Variants in TENM3 observed in about 807,000 individuals in gnomAD.
TENM3 encodes teneurin-3.
TENM3 carries 63 observed loss-of-function variants against 255.1 expected under a neutral mutation model. The observed-to-expected ratio is 0.25, with a 90% CI of 0.20 to 0.30. The LOEUF (loss-of-function observed/expected upper bound fraction) is 0.30, where lower values mean the gene tolerates loss of function less well. TENM3 is among the 10% of genes least tolerant of loss of function. The probability of loss-of-function intolerance (pLI) is 1.00; values close to 1 mark genes in which losing one functional copy is unlikely to be tolerated. For missense variants in TENM3, 2,929 were observed against 3,461.1 expected (o/e 0.85, Z 3.86); for synonymous variants, 1,306 against 1,322.3 (o/e 0.99, Z 0.27).
rs146502568 is a variant in TENM3, at chr4:182,397,889, C to T, written c.511+50960C>T. 7.2e-5 allele frequency among the ~76,000 whole-genome samples: 11 copies of T among 152,236 alleles called. No individual in the cohort carries two copies. In the East Asian group the frequency reaches 1.7e-3, roughly 24 times the overall value. On this transcript the variant is annotated intron_variant, in intron 3 of 27. Coordinates refer to ENST00000511685, the MANE Select transcript of TENM3 (RefSeq NM_001080477.4). Reference sequence around the variant, plus strand: ...AAATGACTGCGCTCTACTTCTGTGCCGTGGTCAATAACGATCAAGTGGCAC... The same window carrying T: ...AAATGACTGCGCTCTACTTCTGTGCTGTGGTCAATAACGATCAAGTGGCAC...
the TENM3 span, among the ~76,000 whole-genome samples, chr4:181,667,376 G>C: frequency 2.7e-4 from 41 of 152,266 alleles, 1 homozygote; most frequent in Admixed American, 2.1e-3. Flanking sequence ...CACTACTGCT[G>C]TTTGTTTATA....
chr4:181,982,699 A>C, the TENM3 span, among the ~76,000 whole-genome samples: 1 of 152,174 alleles, frequency 6.6e-6, no homozygotes, highest in African/African-American at 2.4e-5. Context: ...ATATGGATTC[A>C]ATTGTTTACT....
intron 1 of TENM3, among the ~76,000 whole-genome samples, chr4:182,156,209 C>T (rs1212816594): frequency 1.3e-5 from 2 of 152,076 alleles, no homozygotes; most frequent in African/African-American, 4.8e-5. Context: ...TAAAACACAA[C>T]AATTTTGGCT....
chr4:181,668,969 T>C, the TENM3 span, among the ~76,000 whole-genome samples: 1 of 152,142 alleles, frequency 6.6e-6, no homozygotes, highest in Admixed American at 6.6e-5. Flanking sequence ...AATGGAATCA[T>C]AGATAGATAG....
chr4:182,283,460 A>G (rs1286112417), intron 1 of TENM3, among the ~76,000 whole-genome samples: 1 of 152,184 alleles, frequency 6.6e-6, no homozygotes, highest in Non-Finnish European at 1.5e-5. Context: ...GTGAACATTC[A>G]TCTTTTGGAT....
At chr4:182,560,643 G>A (rs1282573695) in intron 3 of TENM3, among the ~76,000 whole-genome samples, 1 of 152,166 alleles carries the variant, frequency 6.6e-6, no homozygotes, top group Non-Finnish European at 1.5e-5. Context: ...AGGAGCAGCA[G>A]GAATAAAACC....
the TENM3 span, among the ~76,000 whole-genome samples, chr4:182,125,231 C>T: frequency 2.6e-5 from 4 of 151,928 alleles, no homozygotes; most frequent in South Asian, 2.1e-4. Context: ...AGCGCATCCA[C>T]GCTGTGTGTG....
At chr4:181,670,891 G>A in the TENM3 span, among the ~76,000 whole-genome samples, 1 of 152,122 alleles carries the variant, frequency 6.6e-6, no homozygotes, top group Admixed American at 6.5e-5. Context: ...GCAGAAAAAA[G>A]CCAGCATTGC....
intron 3 of TENM3, among the ~76,000 whole-genome samples, chr4:182,442,317 T>C (rs1357668738): frequency 6.6e-6 from 1 of 152,214 alleles, no homozygotes; most frequent in African/African-American, 2.4e-5. Flanking sequence ...AAAAATATCT[T>C]AGTACATATG....
At chr4:181,567,097 C>T in the TENM3 span, among the ~76,000 whole-genome samples, 7 of 152,136 alleles carry the variant, frequency 4.6e-5, no homozygotes, top group African/African-American at 7.2e-5. Context: ...CCGCTTTAGA[C>T]ACCATACTCT....
intron 1 of TENM3, among the ~76,000 whole-genome samples, chr4:182,288,587 G>A (rs909809885): frequency 2.0e-5 from 3 of 152,158 alleles, no homozygotes; most frequent in African/African-American, 4.8e-5. Context: ...TCAGCAGTTG[G>A]CTCCAACTAC....
chr4:182,523,971 A>T (rs918673317), intron 3 of TENM3, among the ~76,000 whole-genome samples: 1 of 152,196 alleles, frequency 6.6e-6, no homozygotes, highest in Middle Eastern at 3.2e-3. Flanking sequence ...AAAGGAATAT[A>T]ACCAGTTTAG....
chr4:181,785,804 TCACACACACATACACA>T, the TENM3 span, among the ~76,000 whole-genome samples: 2 of 139,578 alleles, frequency 1.4e-5, no homozygotes, highest in African/African-American at 2.6e-5. Context: ...TTCTGTCTTG[TCACACACACATACACA>T]CACACACACA....
chr4:181,552,538 T>G, the TENM3 span, among the ~76,000 whole-genome samples: 7 of 152,356 alleles, frequency 4.6e-5, no homozygotes, highest in East Asian at 1.4e-3. Flanking sequence ...TATAAAGTCC[T>G]GTCAACACTT....
the TENM3 span, among the ~76,000 whole-genome samples, chr4:181,631,402 G>A: frequency 6.6e-6 from 1 of 152,108 alleles, no homozygotes; most frequent in African/African-American, 2.4e-5. Context: ...CGATTCTCCT[G>A]CCTCAGCCTA....
At chr4:181,902,500 T>C in the TENM3 span, among the ~76,000 whole-genome samples, 2 of 152,156 alleles carry the variant, frequency 1.3e-5, no homozygotes, top group African/African-American at 4.8e-5. Context: ...CTGTTTGAGA[T>C]AGCAAAGACT....
intron 7 of TENM3, among the ~76,000 whole-genome samples, chr4:182,679,395 A>G (rs986081556): frequency 6.6e-6 from 1 of 152,182 alleles, no homozygotes; most frequent in African/African-American, 2.4e-5. Context: ...ACTTTTGATC[A>G]GTCAGTAGAA....
chr4:182,765,384 T>C (rs1426981395), intron 22 of TENM3, among the ~76,000 whole-genome samples: 5 of 152,176 alleles, frequency 3.3e-5, no homozygotes, highest in African/African-American at 1.2e-4. Flanking sequence ...GGATACTCTA[T>C]CCCTAATTTT....
At chr4:182,360,604 G>T (rs971578015) in intron 3 of TENM3, among the ~76,000 whole-genome samples, 1 of 152,034 alleles carries the variant, frequency 6.6e-6, no homozygotes, top group African/African-American at 2.4e-5. Flanking sequence ...TTATTTTGAG[G>T]CTATGTGTGT....
Sources: gnomAD v4.1 joint callset for allele counts (sites outside exome capture counted in the v4.1 genomes callset) on GRCh38, gnomAD v4.1.1 for gene constraint, MANE v1.5 for transcripts, NCBI Gene and HGNC (gene_info 2026-07-23, HGNC 2026-07-21) for gene names.